Variants in DSTYK observed in about 807,000 individuals in gnomAD.
DSTYK encodes RIP-homologous kinase.
A neutral mutation model predicts 98.7 loss-of-function variants in DSTYK; 34 were observed. The observed-to-expected ratio is 0.34, with a 90% CI of 0.26 to 0.46. DSTYK has a LOEUF of 0.46. DSTYK is among the 20% of genes least tolerant of loss of function. The pLI is 1.00. For synonymous variants in DSTYK, 462 were observed against 457.3 expected, an observed-to-expected ratio of 1.01 and a Z score of -0.13; for missense variants, 962 against 1,181.7, an observed-to-expected ratio of 0.81 and a Z score of 2.73.
rs1061132 is a variant in DSTYK at position 205,146,022 on chromosome 1, C to A, written c.*1536G>T. On this transcript the variant is annotated 3_prime_UTR_variant, in exon 13 of 13. Transcript: ENST00000367162. ...GCCTCCCACCTTTCAGGGAAACTTC[C>A]CAGACACTAGCACACAGGGGTGAGG... The A allele has an allele frequency of 0.29, 44,640 of 151,994 alleles. 7,042 individuals are homozygous for A. The highest frequency in any genetic ancestry group is 0.41 in the South Asian group (1,993 of 4,820). 9.4% of individuals were successfully genotyped at this position (151,994 alleles called of 1,614,324 possible).
chr1:205,161,454 C>T, intron 6 of DSTYK, 67 bp from the exon 7 acceptor site: 1 of 1,502,736 alleles, frequency 6.7e-7, no homozygotes, highest in Non-Finnish European at 9.1e-7. Flanking sequence ...ACCTGTTATA[C>T]AGGGATAATA....
chr1:205,211,225 C>A (rs1391621433), intron 1 of DSTYK, 46 bp downstream of exon 1: 3 of 1,539,464 alleles, frequency 1.9e-6, no homozygotes, highest in African/African-American at 2.8e-5. Context: ...GTCCGTCCTC[C>A]GATTTGCCTC....
intron 1 of DSTYK, among the ~76,000 whole-genome samples, chr1:205,188,882 A>G (rs1487389368): frequency 6.6e-6 from 1 of 152,158 alleles, no homozygotes; most frequent in Non-Finnish European, 1.5e-5. Flanking sequence ...TGTTTATGGG[A>G]GACAAGACCC....
At chr1:205,148,682 T>C (rs979754033) in intron 11 of DSTYK, among the ~76,000 whole-genome samples, 2 of 152,188 alleles carry the variant, frequency 1.3e-5, no homozygotes, top group African/African-American at 4.8e-5. Context: ...TGGGTAGGTA[T>C]GTTGGAACCA....
chr1:205,159,528 G>T lies in DSTYK; in HGVS notation c.2238+19C>A. The T allele has an allele frequency of 6.2e-7, 1 of 1,600,600 alleles. No homozygotes were observed. Among genetic ancestry groups the T allele is most frequent in the Non-Finnish European group, 8.5e-7 (1 of 1,173,172 alleles). ...AACCCGTGGATTTGGCTGCCAGCTG[G>T]ATCTTGCTCTCTCCTTACCTTCAGC... On this transcript the variant is annotated intron_variant, in intron 9 of 12. Coordinates refer to ENST00000367162, the MANE Select transcript of DSTYK (RefSeq NM_015375.3).
rs545900470 is a variant in DSTYK at position 205,202,892 on chromosome 1, C to T, written c.265+8379G>A. 57 of 320,004 alleles carry T rather than the reference C, an allele frequency of 1.8e-4. No homozygotes were observed. In the East Asian group the frequency reaches 2.8e-3, roughly 16 times the overall value. The allele number at this position is 320,004 out of a possible 1,614,324, so 19.8% of individuals were successfully genotyped here. ...TTCATATTCCCCTTTATTTCTGTAA[C>T]TTTTTTTTAGGTTTTATTCTGAAAG... On this transcript the variant is annotated intron_variant, in intron 1 of 12. Transcript: ENST00000367162.
Position 205,142,785 on chromosome 1 carries a change from T to A in DSTYK, c.*4773A>T, listed in dbSNP as rs1657111742. ...GCACTTTTATTCTACACACTTAGTA[T>A]CTTACACTTTTATTTAACACTGTAA... On this transcript the variant is annotated 3_prime_UTR_variant, in exon 13 of 13. Coordinates refer to ENST00000367162, the MANE Select transcript of DSTYK (RefSeq NM_015375.3). 1.3e-5 allele frequency: 2 copies of A among 152,236 alleles called. No individual in the cohort carries two copies. The highest frequency in any genetic ancestry group is 2.9e-5 in the Non-Finnish European group (2 of 68,048). The allele number at this position is 152,236 out of a possible 1,614,324, so 9.4% of individuals were successfully genotyped here.
Position 205,142,882 on chromosome 1 carries a change from T to G in DSTYK, c.*4676A>C, listed in dbSNP as rs1277457320. Reference sequence around the variant, plus strand: ...AAAGACAACAGGCTGCCCAGACCAATTTTCTTTTCAACTATCTGGGCAAGG... The same window carrying G: ...AAAGACAACAGGCTGCCCAGACCAAGTTTCTTTTCAACTATCTGGGCAAGG... On this transcript the variant is annotated 3_prime_UTR_variant, in exon 13 of 13. Transcript: ENST00000367162. 1 of 152,196 alleles carries G rather than the reference T, an allele frequency of 6.6e-6. No individual in the cohort carries two copies. The highest frequency in any genetic ancestry group is 6.5e-5 in the Admixed American group (1 of 15,282). 9.4% of individuals were successfully genotyped at this position (152,196 alleles called of 1,614,324 possible). A position where few individuals can be genotyped will look rare whatever the true frequency, so the allele number is the denominator to read the frequency against.
chr1:205,165,059 A>G (rs971505085), intron 3 of DSTYK, among the ~76,000 whole-genome samples: 4 of 152,152 alleles, frequency 2.6e-5, no homozygotes, highest in Admixed American at 6.5e-5. Flanking sequence ...TTAATGAGAA[A>G]AACCCAAGAG....
intron 2 of DSTYK, among the ~76,000 whole-genome samples, chr1:205,182,144 T>C (rs933241658): frequency 2.0e-5 from 3 of 152,102 alleles, no homozygotes; most frequent in African/African-American, 7.2e-5. Context: ...CTCATCCCTG[T>C]AATCCCAGCA....
chr1:205,189,897 G>T (rs1658661270), intron 1 of DSTYK, among the ~76,000 whole-genome samples: 1 of 152,024 alleles, frequency 6.6e-6, no homozygotes, highest in Admixed American at 6.6e-5. Context: ...CTGTGCAAGG[G>T]TATTTACTAA....
Position 205,211,568 on chromosome 1 carries a change from C to T in DSTYK, c.-33G>A. 6 of 1,423,698 alleles carry T rather than the reference C, an allele frequency of 4.2e-6. No individual in the cohort carries two copies. Among genetic ancestry groups the T allele is most frequent in the Admixed American group, 2.9e-5 (1 of 34,022 alleles). The allele number at this position is 1,423,698 out of a possible 1,614,324, so 88.2% of individuals were successfully genotyped here. ...GCCCGCTCTGTCTTTGCGGCTCGGT[C>T]CCCGGCCGCAGGCCCGGCCTCCCTC... On this transcript the variant is annotated 5_prime_UTR_variant, in exon 1 of 13. Transcript: ENST00000367162.
Position 205,163,803 on chromosome 1 carries a change from C to T in DSTYK, c.1477G>A (p.Gly493Arg), listed in dbSNP as rs746112821. The T allele has an allele frequency of 7.4e-6, 12 of 1,613,970 alleles. No homozygotes were observed. The highest frequency in any genetic ancestry group is 1.7e-5 in the Admixed American group (1 of 59,978). Residue 493 changes from glycine (G) to arginine (R), a missense_variant, in exon 4 of 13, where the codon GGA becomes AGA. This residue lies in a region of DSTYK where 660 missense variants were observed against 855.0 expected (regional missense o/e 0.77). Transcript: ENST00000367162. Reference sequence around the variant, plus strand: ...CTCTGCAGACATCGTTCCAGGGTTCCGACGAAGCTTTCCCTCAGGTAATCC... The same window carrying T: ...CTCTGCAGACATCGTTCCAGGGTTCTGACGAAGCTTTCCCTCAGGTAATCC... ...SVDYLRESFVGTLERCLQSLE... is the reference protein window; with the variant it reads ...SVDYLRESFVRTLERCLQSLE...
intron 1 of DSTYK, among the ~76,000 whole-genome samples, chr1:205,189,990 T>G (rs1658662728): frequency 6.6e-6 from 1 of 152,256 alleles, no homozygotes; most frequent in Non-Finnish European, 1.5e-5. Context: ...ATTGCTTGTG[T>G]GGCCACTTAA....
chr1:205,204,455 T>TACACACACACAC (rs56294352), intron 1 of DSTYK, among the ~76,000 whole-genome samples: 89 of 148,756 alleles, frequency 6.0e-4, no homozygotes, highest in Non-Finnish European at 6.8e-4. Context: ...ATGCTCACCA[T>TACACACACACAC]ACACACACAC....
intron 1 of DSTYK, among the ~76,000 whole-genome samples, chr1:205,188,568 A>G (rs1237306925): frequency 6.6e-6 from 1 of 152,242 alleles, no homozygotes; most frequent in East Asian, 1.9e-4. Context: ...TTTGTTGACC[A>G]AGATGCCATC....
Position 205,162,137 on chromosome 1 carries a change from T to C in DSTYK, c.1717A>G (p.Ile573Val). ...EWKRKVAQEAIESLSASKLAK... is the reference protein window; with the variant it reads ...EWKRKVAQEAVESLSASKLAK... Reference sequence around the variant, plus strand: ...AATTTGGAGGCGCTGAGGCTCTCAATGGCTTCCTGGGCCACCTTCCTCTTC... The same window carrying C: ...AATTTGGAGGCGCTGAGGCTCTCAACGGCTTCCTGGGCCACCTTCCTCTTC... Residue 573 changes from isoleucine (I) to valine (V), a missense_variant, in exon 6 of 13, where the codon ATT (isoleucine) becomes GTT (valine). Physicochemically the swap from Ile to Val is conservative, Grantham distance 29. Coordinates refer to ENST00000367162, the MANE Select transcript of DSTYK (RefSeq NM_015375.3). 1 of 1,614,186 alleles carries C rather than the reference T, an allele frequency of 6.2e-7. No individual in the cohort carries two copies. The highest frequency in any genetic ancestry group is 2.2e-5 in the East Asian group (1 of 44,880).
intron 3 of DSTYK, among the ~76,000 whole-genome samples, chr1:205,168,682 T>C (rs934232596): frequency 1.3e-5 from 2 of 152,184 alleles, no homozygotes; most frequent in African/African-American, 4.8e-5. Context: ...TTGTGAAGAA[T>C]AGGACTGTCA....
In DSTYK at chr1:205,146,310, C is replaced by T. The variant is rs1657231336; in HGVS notation, c.*1248G>A. 6.6e-6 allele frequency: 1 copy of T among 152,154 alleles called. No homozygotes were observed. The highest frequency in any genetic ancestry group is 1.5e-5 in the Non-Finnish European group (1 of 68,038). 9.4% of individuals were successfully genotyped at this position (152,154 alleles called of 1,614,324 possible). On this transcript the variant is annotated 3_prime_UTR_variant, in exon 13 of 13. Coordinates refer to ENST00000367162, the MANE Select transcript of DSTYK (RefSeq NM_015375.3). Reference sequence around the variant, plus strand: ...GCCATGGCCTCCAATCATCTCCCACCTCTCAGTTCTCACCCAAATACTTCG... The same window carrying T: ...GCCATGGCCTCCAATCATCTCCCACTTCTCAGTTCTCACCCAAATACTTCG...
Sources: allele counts gnomAD v4.1 joint callset (sites outside exome capture counted in the v4.1 genomes callset), GRCh38; gene constraint gnomAD v4.1.1; regional missense constraint gnomAD v4.1.1; transcripts MANE v1.5; gene names NCBI Gene and HGNC (gene_info 2026-07-23, HGNC 2026-07-21).